ALG8: variants seen among roughly 807,000 people sequenced by gnomAD.
ALG8 encodes the protein ALG8 alpha-1,3-glucosyltransferase.
Under a neutral mutation model 70.2 loss-of-function variants are expected in ALG8, and 48 were observed. The ratio of observed to expected loss-of-function variants is 0.68; its 90% CI spans 0.54 to 0.87. ALG8 has a LOEUF of 0.87. ALG8 is among the 40% of genes least tolerant of loss of function. The pLI, the probability that ALG8 is intolerant of heterozygous loss-of-function variation, is 0.00. For synonymous variants in ALG8, 234 were observed against 229.0 expected (o/e 1.02, Z -0.20); for missense variants, 572 against 608.7 (o/e 0.94, Z 0.64).
intron 5 of ALG8, 143 bp downstream of exon 5, chr11:78,119,039 G>A (rs1051656168): frequency 5.0e-5 from 33 of 656,482 alleles, no homozygotes; most frequent in Non-Finnish European, 7.3e-5. Flanking sequence ...TGGAATTTGT[G>A]AGAAATACCT....
Position 78,139,623 on chromosome 11 carries a change from C to G in ALG8, c.-35G>C. ...ACCGCACGCTTCCCACCAACTTGAT[C>G]CACATCCGGGATCCCGCGCATGCGG... is the stretch of plus-strand genomic sequence containing the variant. On this transcript the variant is annotated 5_prime_UTR_variant, in exon 1 of 13. Coordinates refer to ENST00000299626, the MANE Select transcript of ALG8 (RefSeq NM_024079.5). The G allele has an allele frequency of 6.5e-7, 1 of 1,545,638 alleles. No individual in the cohort carries two copies. Among genetic ancestry groups the G allele is most frequent in the Non-Finnish European group, 8.8e-7 (1 of 1,141,966 alleles).
At chr11:78,121,336 G>A (rs1303594149) in intron 3 of ALG8, 162 bp from the exon 4 acceptor site, 5 of 639,752 alleles carry the variant, frequency 7.8e-6, no homozygotes, top group Middle Eastern at 4.2e-4. Context: ...TAGAAGGGAT[G>A]GGGTATCACT....
At chr11:78,116,920 T>C (rs1330468115) in intron 5 of ALG8, among the ~76,000 whole-genome samples, 1 of 152,192 alleles carries the variant, frequency 6.6e-6, no homozygotes, top group Non-Finnish European at 1.5e-5. Context: ...TAGGTCTCTC[T>C]TCAATTTTAT....
At chr11:78,118,710 G>A (rs576651854) in intron 5 of ALG8, among the ~76,000 whole-genome samples, 3 of 151,840 alleles carry the variant, frequency 2.0e-5, no homozygotes, top group Non-Finnish European at 2.9e-5. Flanking sequence ...TTGGGAGGCC[G>A]AGGCAGGAGG....
At chr11:78,120,565 C>G (rs536000707) in intron 4 of ALG8, among the ~76,000 whole-genome samples, 1 of 152,314 alleles carries the variant, frequency 6.6e-6, no homozygotes, top group East Asian at 1.9e-4. Flanking sequence ...TTCCTCCACA[C>G]CAGGCTACCT....
intron 5 of ALG8, among the ~76,000 whole-genome samples, chr11:78,115,896 CT>C (rs1203296504): frequency 2.0e-5 from 3 of 152,100 alleles, no homozygotes; most frequent in Admixed American, 6.6e-5. Context: ...CAAAGAAGGG[CT>C]GGGAATGAGA....
chr11:78,130,812 G>A (rs953388539), intron 1 of ALG8, among the ~76,000 whole-genome samples: 3 of 151,274 alleles, frequency 2.0e-5, no homozygotes, highest in African/African-American at 7.3e-5. Context: ...CCTCCCCTGT[G>A]TTTTTTTTCT....
intron 2 of ALG8, among the ~76,000 whole-genome samples, chr11:78,126,782 G>A (rs1861098539): frequency 6.6e-6 from 1 of 152,122 alleles, no homozygotes; most frequent in Admixed American, 6.5e-5. Flanking sequence ...CTAGATAGTG[G>A]CAGAGCCAGG....
Position 78,112,755 on chromosome 11 carries a change from C to T in ALG8, c.793G>A (p.Val265Ile). Reference sequence around the variant, plus strand: ...TTGAAAGGAAAGAGTCGGGAAAAGACTTGAGGCAGCTGATTCTGTTGAAAA... The same window carrying T: ...TTGAAAGGAAAGAGTCGGGAAAAGATTTGAGGCAGCTGATTCTGTTGAAAA... ...PFLALNQLPQ[V>I]FSRLFPFKRG... Residue 265 changes from valine to isoleucine, a missense_variant, in exon 8 of 13, where the codon GTC becomes ATC. Transcript: ENST00000299626. 6.2e-7 allele frequency: 1 copy of T among 1,613,746 alleles called. No individual in the cohort carries two copies. Among genetic ancestry groups the T allele is most frequent in the Non-Finnish European group, 8.5e-7 (1 of 1,179,778 alleles).
At chr11:78,105,648 T>TAAAA (rs200968449) in intron 10 of ALG8, among the ~76,000 whole-genome samples, 49 of 108,588 alleles carry the variant, frequency 4.5e-4, no homozygotes, top group African/African-American at 1.3e-3. Flanking sequence ...TACCAAAAAG[T>TAAAA]AAAAAAAAAA....
At chr11:78,101,262 G>T in intron 12 of ALG8, 67 bp from the exon 13 acceptor site, 1 of 1,317,010 alleles carries the variant, frequency 7.6e-7, no homozygotes, top group Non-Finnish European at 1.1e-6. Context: ...ACATTTCCTA[G>T]CTAAAGCTTC....
At chr11:78,106,740 G>C (rs1860050348) in intron 10 of ALG8, 67 bp downstream of exon 10, 2 of 1,601,594 alleles carry the variant, frequency 1.2e-6, no homozygotes, top group Admixed American at 1.7e-5. Context: ...AGAAGGGACA[G>C]AGCAAATAGA....
intron 10 of ALG8, among the ~76,000 whole-genome samples, chr11:78,105,322 T>A (rs1459375703): frequency 6.6e-6 from 1 of 152,266 alleles, no homozygotes; most frequent in Non-Finnish European, 1.5e-5. Context: ...TATTACCATT[T>A]ATTTATCTAT....
At chr11:78,115,646 A>C (rs942822238) in intron 5 of ALG8, among the ~76,000 whole-genome samples, 1 of 152,132 alleles carries the variant, frequency 6.6e-6, no homozygotes, top group Non-Finnish European at 1.5e-5. Flanking sequence ...CAGCCTCCCA[A>C]AGTGCTGGGA....
chr11:78,117,650 C>A (rs1860636083), intron 5 of ALG8, among the ~76,000 whole-genome samples: 1 of 150,418 alleles, frequency 6.6e-6, no homozygotes, highest in Non-Finnish European at 1.5e-5. Flanking sequence ...TGGTGGTGTG[C>A]ACCTGTAATT....
chr11:78,105,865 T>C (rs1405623424), intron 10 of ALG8, among the ~76,000 whole-genome samples: 1 of 151,908 alleles, frequency 6.6e-6, no homozygotes, highest in Admixed American at 6.6e-5. Context: ...TGCACCACCA[T>C]GCCTGGCTAA....
At chr11:78,107,596 T>G (rs1860099887) in intron 9 of ALG8, 1 of 150,940 alleles carries the variant, frequency 6.6e-6, no homozygotes, top group Non-Finnish European at 1.5e-5. Flanking sequence ...CCCAGCACTT[T>G]GGGAGGCCAA....
Position 78,124,008 on chromosome 11 carries a change from G to T in ALG8, c.368+13C>A, listed in dbSNP as rs1860946380. 1.2e-6 allele frequency: 2 copies of T among 1,613,722 alleles called. No homozygotes were observed. The highest frequency in any genetic ancestry group is 1.7e-5 in the Admixed American group (1 of 59,984). Reference sequence around the variant, plus strand: ...CAATACCTTCCATACAAAATGACATGCTCCAGACTTACTCACGGACAGCAT... The same window carrying T: ...CAATACCTTCCATACAAAATGACATTCTCCAGACTTACTCACGGACAGCAT... On this transcript the variant is annotated intron_variant, in intron 3 of 12. Transcript: ENST00000299626.
At chr11:78,114,559 G>A (rs1200209891) in intron 5 of ALG8, 167 bp from the exon 6 acceptor site, 10 of 778,214 alleles carry the variant, frequency 1.3e-5, no homozygotes, top group Non-Finnish European at 2.1e-5. Context: ...ATGTACCATG[G>A]TTATGTAAGG....
Sources: gnomAD v4.1 joint callset for allele counts (sites outside exome capture counted in the v4.1 genomes callset) on GRCh38, gnomAD v4.1.1 for gene constraint, MANE v1.5 for transcripts, NCBI Gene and HGNC (gene_info 2026-07-23, HGNC 2026-07-21) for gene names.